The following HPSE2 variants were observed in gnomAD, a reference collection of about 807,000 sequenced individuals.
The protein encoded by HPSE2 is inactive heparanase-2.
A neutral mutation model predicts 60.5 loss-of-function variants in HPSE2; 38 were observed. That is an observed-to-expected ratio of 0.63 (90% CI 0.48 to 0.82). The LOEUF (loss-of-function observed/expected upper bound fraction) is 0.82. Ranked by LOEUF, HPSE2 falls within the 40% of genes least tolerant of loss-of-function variation. The pLI, the probability that HPSE2 is intolerant of heterozygous loss-of-function variation, is 0.00. For synonymous variants in HPSE2, 295 were observed against 293.2 expected (o/e 1.01, Z -0.06); for missense variants, 713 against 740.4 (o/e 0.96, Z 0.43).
At chr10:98,907,147 G>A (rs1447054802) in intron 3 of HPSE2, among the ~76,000 whole-genome samples, 1 of 152,112 alleles carries the variant, frequency 6.6e-6, no homozygotes, top group African/African-American at 2.4e-5. Flanking sequence ...GCCTCTTCAT[G>A]TATACTGTTA....
At chr10:99,004,589 G>C (rs1410364431) in intron 3 of HPSE2, among the ~76,000 whole-genome samples, 1 of 151,344 alleles carries the variant, frequency 6.6e-6, no homozygotes, top group African/African-American at 2.4e-5. Flanking sequence ...TCTTGTTATA[G>C]TGTGTAATCC....
intron 9 of HPSE2, among the ~76,000 whole-genome samples, chr10:98,498,334 C>A (rs1175665607): frequency 2.0e-5 from 3 of 152,246 alleles, no homozygotes; most frequent in African/African-American, 7.2e-5. Context: ...CTGCAGACAA[C>A]CCCCAGTACC....
intron 3 of HPSE2, among the ~76,000 whole-genome samples, chr10:98,805,484 T>C (rs112931048): frequency 6.6e-6 from 1 of 152,120 alleles, no homozygotes; most frequent in Admixed American, 6.5e-5. Context: ...AGTGTATATA[T>C]TTATGGGGTA....
intron 7 of HPSE2, among the ~76,000 whole-genome samples, chr10:98,622,770 C>G (rs1946107072): frequency 6.6e-6 from 1 of 151,950 alleles, no homozygotes; most frequent in Non-Finnish European, 1.5e-5. Flanking sequence ...TAAAAATTCA[C>G]TTTTATACAC....
rs373235110 is a variant in HPSE2, at chr10:98,743,978, C to T, written c.689G>A (p.Arg230His). 17 of 1,613,948 alleles carry T rather than the reference C, an allele frequency of 1.1e-5. No individual in the cohort carries two copies. The highest frequency in any genetic ancestry group is 2.2e-5 in the South Asian group (2 of 91,082). Residue 230 changes from arginine (R) to histidine (H), a missense_variant, in exon 4 of 12, where the codon CGT becomes CAT. Physicochemically the swap from Arg to His is conservative, Grantham distance 29. Coordinates refer to ENST00000370552, the MANE Select transcript of HPSE2 (RefSeq NM_021828.5). ...HLIFALNALR[R>H]NPNNSWNSSS... ...ACTGTTCCAGGAGTTATTGGGATTACGACGCAGTGCATTTAGAGCAAATAT... is the reference window on the plus strand; with the variant it reads ...ACTGTTCCAGGAGTTATTGGGATTATGACGCAGTGCATTTAGAGCAAATAT...
rs748636374 is a variant in HPSE2, at chr10:98,482,732, C to T, written c.1517G>A (p.Arg506Gln). The T allele has an allele frequency of 8.1e-6, 13 of 1,614,076 alleles. No homozygotes were observed. Among genetic ancestry groups the T allele is most frequent in the East Asian group, 2.2e-5 (1 of 44,874 alleles). ...AGCCAGCTTGATTTTCTTTCTTGAT[C>T]GATGCAAGTTGATGATAAAAAGTGT... ...SITLFIINLH[R>Q]SRKKIKLAGT... Residue 506 changes from arginine to glutamine, a missense_variant, in exon 11 of 12, where the codon CGA (arginine) becomes CAA (glutamine). Physicochemically the swap from Arg to Gln is conservative, Grantham distance 43 (BLOSUM62 1). Coordinates refer to ENST00000370552, the MANE Select transcript of HPSE2 (RefSeq NM_021828.5).
chr10:98,860,499 T>G (rs1370061972), intron 3 of HPSE2, among the ~76,000 whole-genome samples: 1 of 152,188 alleles, frequency 6.6e-6, no homozygotes, highest in Non-Finnish European at 1.5e-5. Flanking sequence ...TTCTACATGT[T>G]TTAAGCATTT....
At chr10:98,958,743 T>A (rs1955572989) in intron 3 of HPSE2, among the ~76,000 whole-genome samples, 1 of 152,120 alleles carries the variant, frequency 6.6e-6, no homozygotes, top group Admixed American at 6.6e-5. Flanking sequence ...ATATGATACT[T>A]ATATGCCACA....
intron 11 of HPSE2, among the ~76,000 whole-genome samples, chr10:98,471,724 CT>C (rs1940789489): frequency 6.6e-6 from 1 of 152,118 alleles, no homozygotes; most frequent in African/African-American, 2.4e-5. Context: ...ATGTGTAGCA[CT>C]TTACAGGATG....
chr10:98,623,284 A>G (rs966081520), intron 7 of HPSE2, among the ~76,000 whole-genome samples: 5 of 152,178 alleles, frequency 3.3e-5, no homozygotes, highest in Non-Finnish European at 7.4e-5. Flanking sequence ...TCATAGAGAC[A>G]ATAAGTAGAC....
chr10:98,567,942 T>C (rs548272289), intron 9 of HPSE2, among the ~76,000 whole-genome samples: 2 of 152,082 alleles, frequency 1.3e-5, no homozygotes, highest in African/African-American at 2.4e-5. Flanking sequence ...CCCCACCTCA[T>C]GGGATAAAAA....
chr10:98,859,389 G>A (rs144346834), intron 3 of HPSE2, among the ~76,000 whole-genome samples: 1 of 152,136 alleles, frequency 6.6e-6, no homozygotes, highest in African/African-American at 2.4e-5. Flanking sequence ...TTATTTCTTG[G>A]TGTATCTGTG....
At chr10:98,691,444 T>C (rs763521581) in intron 6 of HPSE2, among the ~76,000 whole-genome samples, 10 of 152,240 alleles carry the variant, frequency 6.6e-5, no homozygotes, top group Non-Finnish European at 1.2e-4. Flanking sequence ...CTCATTTCAT[T>C]CCATTTGTGC....
intron 3 of HPSE2, among the ~76,000 whole-genome samples, chr10:98,894,174 A>ATTGTT (rs1953417251): frequency 2.6e-5 from 4 of 152,168 alleles, no homozygotes; most frequent in Admixed American, 2.0e-4. Context: ...CACTCAAATA[A>ATTGTT]TCTTTGAAGA....
intron 6 of HPSE2, among the ~76,000 whole-genome samples, chr10:98,662,039 C>T (rs144496892): frequency 0.012 from 1,882 of 152,188 alleles, 90 homozygotes; most frequent in East Asian, 0.12. Flanking sequence ...GGACTACAGG[C>T]GCGTGCCACC....
At chr10:99,063,991 G>A (rs1191982378) in intron 3 of HPSE2, among the ~76,000 whole-genome samples, 1 of 152,190 alleles carries the variant, frequency 6.6e-6, no homozygotes, top group Non-Finnish European at 1.5e-5. Flanking sequence ...TACTCAGGAA[G>A]CTGAGGCAGG....
rs111768108 is a variant in HPSE2 at position 99,114,713 on chromosome 10, G to A, written c.610+29525C>T. ...GTGGATCACGAGGTCAGGACATCGA[G>A]ACCATCCTGGCTAACATGGTGAAAT... On this transcript the variant is annotated intron_variant, in intron 3 of 11. Coordinates refer to ENST00000370552, the MANE Select transcript of HPSE2 (RefSeq NM_021828.5). Among the ~76,000 whole-genome samples, 572 of 152,062 alleles carry A rather than the reference G, an allele frequency of 3.8e-3. 2 individuals are homozygous for A. The highest frequency in any genetic ancestry group is 6.7e-3 in the African/African-American group (279 of 41,502).
chr10:99,014,614 A>C (rs1356535848), intron 3 of HPSE2, among the ~76,000 whole-genome samples: 2 of 152,126 alleles, frequency 1.3e-5, no homozygotes, highest in Non-Finnish European at 2.9e-5. Flanking sequence ...TCACCAGCAT[A>C]TGTTATTTTT....
intron 3 of HPSE2, among the ~76,000 whole-genome samples, chr10:99,136,322 C>G (rs57690546): frequency 6.6e-6 from 1 of 152,138 alleles, no homozygotes; most frequent in African/African-American, 2.4e-5. Flanking sequence ...CAAAGAGGAA[C>G]AGGTACCATT....
Sources: gnomAD v4.1 joint callset for allele counts (sites outside exome capture counted in the v4.1 genomes callset) on GRCh38, gnomAD v4.1.1 for gene constraint, MANE v1.5 for transcripts, NCBI Gene and HGNC (gene_info 2026-07-23, HGNC 2026-07-21) for gene names.